KIAA1549L: variants seen among roughly 807,000 people sequenced by gnomAD.
The protein encoded by KIAA1549L is UPF0606 protein KIAA1549L.
A neutral mutation model predicts 160.7 loss-of-function variants in KIAA1549L; 88 were observed. That is an observed-to-expected ratio of 0.55 (90% CI 0.46 to 0.65). The LOEUF (loss-of-function observed/expected upper bound fraction) is 0.65. Among genes scored for constraint, KIAA1549L ranks in the 30% least tolerant of loss-of-function variants. The pLI, the probability that KIAA1549L is intolerant of heterozygous loss-of-function variation, is 0.00. For missense variants in KIAA1549L, 2,258 were observed against 2,437.5 expected, an observed-to-expected ratio of 0.93 and a Z score of 1.55; for synonymous variants, 950 against 976.7, an observed-to-expected ratio of 0.97 and a Z score of 0.51.
chr11:33,418,022 G>T (rs777668273), intron 1 of KIAA1549L, among the ~76,000 whole-genome samples: 16 of 152,048 alleles, frequency 1.1e-4, no homozygotes, highest in Non-Finnish European at 1.6e-4. Flanking sequence ...CAAGTGATCC[G>T]TCCACCTCAG....
At chr11:33,645,550 AG>A (rs1851694128) in intron 16 of KIAA1549L, 135 bp from the exon 17 acceptor site, 8 of 670,144 alleles carry the variant, frequency 1.2e-5, no homozygotes, top group Non-Finnish European at 1.8e-5. Context: ...ATTCCTAGAT[AG>A]GGCACGTAGG....
In KIAA1549L at chr11:33,530,426, AAAAAAAAAAAATAT is replaced by A. The variant is rs1457304473; in HGVS notation, c.239-11374_239-11361del. On this transcript the variant is annotated intron_variant, in intron 1 of 20. Coordinates refer to ENST00000658780, the MANE Select transcript of KIAA1549L (RefSeq NM_012194.3). ...AAAGAAGAAGAAGGAAAAAAAAAAAAAAAAAAAAAAATATATATATATATATATATATATATATA... is the reference window on the plus strand; with the variant it reads ...AAAGAAGAAGAAGGAAAAAAAAAAAAATATATATATATATATATATATATA... Among the ~76,000 whole-genome samples the A allele has an allele frequency of 1.4e-4, 9 of 65,476 alleles. No individual in the cohort carries two copies. The East Asian group carries it at 2.3e-3, about 17-fold the overall frequency. The allele number at this position is 65,476 out of a possible 152,430, so 43.0% of individuals were successfully genotyped here. A position where few individuals can be genotyped will look rare whatever the true frequency, so the allele number is the denominator to read the frequency against.
intron 11 of KIAA1549L, among the ~76,000 whole-genome samples, chr11:33,588,227 C>A (rs977974579): frequency 6.6e-6 from 1 of 152,160 alleles, no homozygotes. Context: ...GGGTGAGGAA[C>A]CAGTTATTTA....
At chr11:33,627,651 TC>T (rs1851156312) in intron 16 of KIAA1549L, among the ~76,000 whole-genome samples, 1 of 152,240 alleles carries the variant, frequency 6.6e-6, no homozygotes, top group Non-Finnish European at 1.5e-5. Flanking sequence ...TCTCTTTTTT[TC>T]TTTATTAGTC....
At position 33,543,482 on chromosome 11, in the gene KIAA1549L, C is replaced by T; in HGVS notation, c.1919C>T (p.Pro640Leu). The T allele has an allele frequency of 6.2e-7, 1 of 1,614,044 alleles. No homozygotes were observed. The highest frequency in any genetic ancestry group is 8.5e-7 in the Non-Finnish European group (1 of 1,179,902). Reference sequence around the variant, plus strand: ...ATACAAGCCACCCAGACTGTTTTCCCATCTCTTGGCTTTTCCAGCACCAAG... The same window carrying T: ...ATACAAGCCACCCAGACTGTTTTCCTATCTCTTGGCTTTTCCAGCACCAAG... ...LSIQATQTVF[P>L]SLGFSSTKPE... The change falls in exon 2 of 21, where the codon CCA becomes CTA. Residue 640 changes from proline (P) to leucine (L), a missense_variant. This residue lies in a region of KIAA1549L where 11 missense variants were observed against 29.9 expected (regional missense o/e 0.37). Coordinates refer to ENST00000658780, the MANE Select transcript of KIAA1549L (RefSeq NM_012194.3).
At chr11:33,588,667 T>C (rs1489395290) in intron 11 of KIAA1549L, among the ~76,000 whole-genome samples, 1 of 152,204 alleles carries the variant, frequency 6.6e-6, no homozygotes, top group African/African-American at 2.4e-5. Flanking sequence ...TACCAAGTTA[T>C]CTGAAGGCTT....
intron 1 of KIAA1549L, among the ~76,000 whole-genome samples, chr11:33,535,669 C>T (rs1853878177): frequency 6.6e-6 from 1 of 151,786 alleles, no homozygotes; most frequent in South Asian, 2.1e-4. Flanking sequence ...GAGACCCTGT[C>T]CCCCCTCCAA....
At chr11:33,650,104 C>T (rs1039813993) in intron 17 of KIAA1549L, among the ~76,000 whole-genome samples, 9 of 152,106 alleles carry the variant, frequency 5.9e-5, no homozygotes, top group African/African-American at 1.9e-4. Flanking sequence ...GAGCATGGTC[C>T]AGCTCGCAGG....
At chr11:33,589,931 G>A (rs1849998711) in intron 11 of KIAA1549L, among the ~76,000 whole-genome samples, 1 of 151,838 alleles carries the variant, frequency 6.6e-6, no homozygotes, top group Admixed American at 6.6e-5. Flanking sequence ...TGAAGGAGGG[G>A]CTTCTGATCA....
intron 1 of KIAA1549L, among the ~76,000 whole-genome samples, chr11:33,418,785 C>T (rs1850939022): frequency 1.3e-5 from 2 of 152,014 alleles, no homozygotes; most frequent in Admixed American, 1.3e-4. Flanking sequence ...TGCAATGTGC[C>T]TTGCTGGGCT....
intron 1 of KIAA1549L, among the ~76,000 whole-genome samples, chr11:33,507,895 A>G (rs1590297115): frequency 1.3e-5 from 2 of 152,220 alleles, no homozygotes; most frequent in Admixed American, 1.3e-4. Context: ...TATACGTGTT[A>G]GTACTACATT....
intron 1 of KIAA1549L, among the ~76,000 whole-genome samples, chr11:33,444,599 A>G (rs551142083): frequency 6.6e-6 from 1 of 152,348 alleles, no homozygotes; most frequent in South Asian, 2.1e-4. Context: ...ATGTGGATGT[A>G]TTAGCTCTAA....
intron 1 of KIAA1549L, among the ~76,000 whole-genome samples, chr11:33,447,705 A>G (rs527999667): frequency 4.0e-5 from 6 of 151,830 alleles, no homozygotes; most frequent in Admixed American, 3.9e-4. Flanking sequence ...ACCTGGCATT[A>G]TGTTGTATTT....
chr11:33,446,181 G>A (rs1346114843), intron 1 of KIAA1549L, among the ~76,000 whole-genome samples: 1 of 147,818 alleles, frequency 6.8e-6, no homozygotes, highest in Non-Finnish European at 1.5e-5. Flanking sequence ...TGCAACCTCC[G>A]CCTCCCAGGC....
chr11:33,471,984 C>G (rs540417421), intron 1 of KIAA1549L, among the ~76,000 whole-genome samples: 162 of 152,338 alleles, frequency 1.1e-3, no homozygotes, highest in African/African-American at 3.8e-3. Flanking sequence ...ACCGGAGATG[C>G]AGACTCCTTT....
intron 1 of KIAA1549L, among the ~76,000 whole-genome samples, chr11:33,378,086 G>A (rs1335014121): frequency 6.6e-6 from 1 of 152,176 alleles, no homozygotes; most frequent in Non-Finnish European, 1.5e-5. Context: ...GCCTGTAGCA[G>A]TTTTTAGTGA....
intron 1 of KIAA1549L, among the ~76,000 whole-genome samples, chr11:33,421,713 T>G (rs1228482303): frequency 6.6e-6 from 1 of 152,190 alleles, no homozygotes; most frequent in African/African-American, 2.4e-5. Context: ...AACAATAACA[T>G]CAATAATAAT....
chr11:33,379,292 C>T (rs1347029940), intron 1 of KIAA1549L, among the ~76,000 whole-genome samples: 1 of 152,150 alleles, frequency 6.6e-6, no homozygotes, highest in Non-Finnish European at 1.5e-5. Flanking sequence ...CCACCCACCC[C>T]ACCCCAGCCT....
Position 33,581,717 on chromosome 11 carries a change from G to A in KIAA1549L, c.4403-1621G>A, listed in dbSNP as rs905848935. 3.3e-5 allele frequency among the ~76,000 whole-genome samples: 5 copies of A among 152,096 alleles called. 1 individual carries two copies. Among genetic ancestry groups the A allele is most frequent in the East Asian group, 3.8e-4 (2 of 5,196 alleles). ...CCTTTTCACCTTTAGGCATGACTTTGTACTTTTAGGTAATTACGCCAATGA... is the reference window on the plus strand; with the variant it reads ...CCTTTTCACCTTTAGGCATGACTTTATACTTTTAGGTAATTACGCCAATGA... On this transcript the variant is annotated intron_variant, in intron 10 of 20. Transcript: ENST00000658780.
Sources: allele counts gnomAD v4.1 joint callset (sites outside exome capture counted in the v4.1 genomes callset), GRCh38; gene constraint gnomAD v4.1.1; regional missense constraint gnomAD v4.1.1; transcripts MANE v1.5; gene names NCBI Gene and HGNC (gene_info 2026-07-23, HGNC 2026-07-21).